Variants in FANCB observed in about 807,000 individuals in gnomAD.
FANCB encodes the protein FA complementation group B.
Under a neutral mutation model 38.9 loss-of-function variants are expected in FANCB, and 5 were observed. That is an observed-to-expected ratio of 0.13 (90% confidence interval 0.07 to 0.27). The LOEUF (loss-of-function observed/expected upper bound fraction) is 0.27. Among genes scored for constraint, FANCB ranks in the 10% least tolerant of loss-of-function variants. The pLI is 1.00. For missense variants in FANCB, 573 were observed against 602.7 expected (o/e 0.95, Z 0.52); for synonymous variants, 236 against 215.4 (o/e 1.10, Z -0.84).
At chrX:14,760,789 T>C in the FANCB span, among the ~76,000 whole-genome samples, 1 of 111,092 alleles carries the variant, frequency 9.0e-6, no homozygotes. Flanking sequence ...GCCAATATGG[T>C]GAAACCCCGT....
At chrX:14,772,092 G>A in the FANCB span, among the ~76,000 whole-genome samples, 1 of 111,329 alleles carries the variant, frequency 9.0e-6, no homozygotes, top group Admixed American at 9.5e-5. Context: ...ATGGGATCAA[G>A]GACCTACCCA....
chrX:14,825,549 T>C, the FANCB span, among the ~76,000 whole-genome samples: 1 of 112,423 alleles, frequency 8.9e-6, no homozygotes, highest in African/African-American at 3.2e-5. Context: ...TATTTAAACA[T>C]TCCGATGGTT....
At chrX:14,752,801 T>G in the FANCB span, among the ~76,000 whole-genome samples, 1 of 111,813 alleles carries the variant, frequency 8.9e-6, no homozygotes, top group Non-Finnish European at 1.9e-5. Flanking sequence ...AAGGTTTTTC[T>G]TTTTACTTTT....
chrX:14,846,044 A>G (rs2092375614), intron 7 of FANCB, among the ~76,000 whole-genome samples: 1 of 111,861 alleles, frequency 8.9e-6, no homozygotes, highest in Non-Finnish European at 1.9e-5. Flanking sequence ...AGAACTCAAA[A>G]ATCTTAATTT....
At chrX:14,809,490 T>C in the FANCB span, among the ~76,000 whole-genome samples, 1 of 111,303 alleles carries the variant, frequency 9.0e-6, no homozygotes, top group African/African-American at 3.3e-5. Context: ...TACTGTGCTT[T>C]TCCAACGGGC....
chrX:14,859,659 G>A (rs2092438353), intron 3 of FANCB, among the ~76,000 whole-genome samples: 1 of 111,443 alleles, frequency 9.0e-6, no homozygotes, highest in Admixed American at 9.5e-5. Context: ...CTAACCTTTG[G>A]AAATTCTAAC....
At chrX:14,813,872 A>G in the FANCB span, among the ~76,000 whole-genome samples, 17 of 111,774 alleles carry the variant, frequency 1.5e-4, no homozygotes, top group Admixed American at 1.6e-3. Flanking sequence ...TGCCAAGACA[A>G]TCCTAAGCCA....
the FANCB span, among the ~76,000 whole-genome samples, chrX:14,823,376 C>G: frequency 9.0e-6 from 1 of 111,622 alleles, no homozygotes; most frequent in Non-Finnish European, 1.9e-5. Flanking sequence ...GCCACTGTGC[C>G]CAGCTACCCT....
At chrX:14,822,689 T>C in the FANCB span, among the ~76,000 whole-genome samples, 5 of 111,711 alleles carry the variant, frequency 4.5e-5, no homozygotes, top group Non-Finnish European at 9.4e-5. Flanking sequence ...TTGTTACTCA[T>C]TGCAAATAAT....
the FANCB span, among the ~76,000 whole-genome samples, chrX:14,818,432 C>T: frequency 4.7e-5 from 5 of 106,389 alleles, no homozygotes; most frequent in Non-Finnish European, 9.7e-5. Flanking sequence ...AAAACACTGG[C>T]GGGGGGTTGG....
At chrX:14,770,965 A>G in the FANCB span, among the ~76,000 whole-genome samples, 1 of 111,416 alleles carries the variant, frequency 9.0e-6, no homozygotes, top group African/African-American at 3.3e-5. Context: ...TTGGCCCCCA[A>G]TCTCTTCTGG....
chrX:14,702,397 C>T, the FANCB span, among the ~76,000 whole-genome samples: 13 of 111,996 alleles, frequency 1.2e-4, no homozygotes, highest in Non-Finnish European at 2.3e-4. Context: ...TATAAGTAGT[C>T]TACACTTCCC....
the FANCB span, among the ~76,000 whole-genome samples, chrX:14,738,391 C>T: frequency 1.8e-5 from 2 of 111,964 alleles, no homozygotes; most frequent in Non-Finnish European, 3.8e-5. Context: ...GACCTTCTTA[C>T]CTGTTTTCAT....
At chrX:14,719,957 C>A in the FANCB span, among the ~76,000 whole-genome samples, 1 of 111,424 alleles carries the variant, frequency 9.0e-6, no homozygotes, top group Non-Finnish European at 1.9e-5. Context: ...AAGAGAAATA[C>A]TACAATTTCT....
At chrX:14,745,979 C>T in the FANCB span, among the ~76,000 whole-genome samples, 1 of 110,488 alleles carries the variant, frequency 9.1e-6, no homozygotes, top group South Asian at 3.8e-4. Flanking sequence ...GGATTACAGG[C>T]GTGAGCCACC....
the FANCB span, among the ~76,000 whole-genome samples, chrX:14,823,909 G>C: frequency 9.0e-6 from 1 of 110,882 alleles, no homozygotes; most frequent in African/African-American, 3.3e-5. Context: ...CTCCAATAAG[G>C]AGAGCACCAG....
the FANCB span, among the ~76,000 whole-genome samples, chrX:14,783,052 T>C: frequency 1.8e-5 from 2 of 111,893 alleles, no homozygotes; most frequent in Non-Finnish European, 3.8e-5. Context: ...TGGCTGCTCC[T>C]GATTGGCAGT....
chrX:14,852,092 T>C (rs1246442818), intron 6 of FANCB, among the ~76,000 whole-genome samples: 2 of 111,965 alleles, frequency 1.8e-5, no homozygotes, highest in Admixed American at 9.5e-5. Context: ...ATTATTTTTA[T>C]GAAGTTTCAG....
At chrX:14,815,615 T>C in the FANCB span, among the ~76,000 whole-genome samples, 10 of 111,920 alleles carry the variant, frequency 8.9e-5, no homozygotes, top group Admixed American at 9.5e-4. Context: ...TGGAGATTTC[T>C]CAAACAACTA....
Sources: gnomAD v4.1 joint callset for allele counts (sites outside exome capture counted in the v4.1 genomes callset) on GRCh38, gnomAD v4.1.1 for gene constraint, MANE v1.5 for transcripts, NCBI Gene and HGNC (gene_info 2026-07-23, HGNC 2026-07-21) for gene names.